Variants in XKR6 observed in about 807,000 individuals in gnomAD.
The protein encoded by XKR6 is XK related 6, also known as XK-related protein 6.
Under a neutral mutation model 56.7 loss-of-function variants are expected in XKR6, and 22 were observed. The observed-to-expected ratio is 0.39, with a 90% confidence interval of 0.28 to 0.55. The LOEUF is 0.55. Ranked by LOEUF, XKR6 falls within the 20% of genes least tolerant of loss-of-function variation. XKR6 has a pLI of 0.66. For missense variants in XKR6, 852 were observed against 889.0 expected, an observed-to-expected ratio of 0.96 and a Z score of 0.53; for synonymous variants, 524 against 387.8, an observed-to-expected ratio of 1.35 and a Z score of -4.13.
intron 1 of XKR6, among the ~76,000 whole-genome samples, chr8:11,110,359 A>G (rs1202251364): frequency 2.0e-5 from 3 of 152,196 alleles, no homozygotes; most frequent in Admixed American, 2.0e-4. Context: ...AGCAAAAAGG[A>G]GCCAGGGGTA....
chr8:10,957,890 C>T (rs183017432), intron 1 of XKR6, among the ~76,000 whole-genome samples: 2 of 151,744 alleles, frequency 1.3e-5, no homozygotes, highest in Non-Finnish European at 2.9e-5. Context: ...AAAATGATCC[C>T]CAATGTGATT....
At chr8:11,022,344 G>A (rs1408862131) in intron 1 of XKR6, among the ~76,000 whole-genome samples, 3 of 151,994 alleles carry the variant, frequency 2.0e-5, no homozygotes, top group East Asian at 1.9e-4. Flanking sequence ...CTAGGGGAGA[G>A]CAGATTTACA....
chr8:11,140,638 C>G (rs1237535182), intron 1 of XKR6, among the ~76,000 whole-genome samples: 2 of 152,106 alleles, frequency 1.3e-5, no homozygotes, highest in Non-Finnish European at 2.9e-5. Flanking sequence ...TGGCTCACAC[C>G]TGTAATCCCA....
chr8:10,993,182 C>T (rs774860733), intron 1 of XKR6, among the ~76,000 whole-genome samples: 8 of 152,238 alleles, frequency 5.3e-5, no homozygotes, highest in Non-Finnish European at 1.0e-4. Flanking sequence ...CTGAGTGACG[C>T]CACTTTTTGG....
At chr8:11,177,569 T>C (rs1314128468) in intron 1 of XKR6, among the ~76,000 whole-genome samples, 1 of 74,966 alleles carries the variant, frequency 1.3e-5, no homozygotes, top group Non-Finnish European at 3.7e-5. Flanking sequence ...GGTGAGGTCA[T>C]AATGGAATAG....
At chr8:10,976,641 C>T (rs920509515) in intron 1 of XKR6, among the ~76,000 whole-genome samples, 25 of 152,106 alleles carry the variant, frequency 1.6e-4, no homozygotes, top group Admixed American at 3.9e-4. Context: ...GTACAAAGTC[C>T]GTGATCCAGG....
chr8:11,113,235 G>A lies in XKR6; in HGVS notation c.764+87341C>T, dbSNP rs570827985. 4.9e-4 allele frequency among the ~76,000 whole-genome samples: 75 copies of A among 152,300 alleles called. 1 individual carries two copies. The highest frequency in any genetic ancestry group is 1.7e-3 in the African/African-American group (72 of 41,576). On this transcript the variant is annotated intron_variant, in intron 1 of 2. Coordinates refer to ENST00000416569, the MANE Select transcript of XKR6 (RefSeq NM_173683.4). ...CACTTATTTGAAATAATAGCTTAGT[G>A]TGAATCTGAACTCCAAGCAAAAACC...
At chr8:10,950,043 C>T (rs1801671178) in intron 1 of XKR6, among the ~76,000 whole-genome samples, 2 of 152,230 alleles carry the variant, frequency 1.3e-5, no homozygotes, top group Non-Finnish European at 2.9e-5. Flanking sequence ...CATCCTTGCC[C>T]CTCCACCCTT....
chr8:11,037,294 C>T (rs1021802386), intron 1 of XKR6, among the ~76,000 whole-genome samples: 4 of 152,178 alleles, frequency 2.6e-5, no homozygotes, highest in African/African-American at 4.8e-5. Context: ...GGTACAATCT[C>T]GGCTCACTGC....
Position 11,178,576 on chromosome 8 carries a change from A to ATATATATATG in XKR6, c.764+21990_764+21999dup, listed in dbSNP as rs1554479913. ...TATATATATATATATATATATATGT[A>ATATATATATG]TATATATATGTACTACACACACACA... is the stretch of plus-strand genomic sequence containing the variant. On this transcript the variant is annotated intron_variant, in intron 1 of 2. Coordinates refer to ENST00000416569, the MANE Select transcript of XKR6 (RefSeq NM_173683.4). Among the ~76,000 whole-genome samples the ATATATATATG allele has an allele frequency of 2.3e-3, 318 of 135,760 alleles. 3 individuals carry two copies. Among genetic ancestry groups the ATATATATATG allele is most frequent in the South Asian group, 7.7e-3 (32 of 4,132 alleles). The allele number at this position is 135,760 out of a possible 152,430, so 89.1% of individuals were successfully genotyped here.
chr8:11,029,623 G>A (rs1290683069), intron 1 of XKR6, among the ~76,000 whole-genome samples: 2 of 152,116 alleles, frequency 1.3e-5, no homozygotes, highest in Non-Finnish European at 2.9e-5. Context: ...ATCAGTGTCT[G>A]CTGTGTGAGC....
rs1368885247 is a variant in XKR6, at chr8:10,898,125, T to C, written c.1753A>G (p.Ile585Val). Reference sequence around the variant, plus strand: ...CGCTTTCTTGGCATGTCAATCTTAATGAGGGGCCCTTCTGGGAGGTAAGGA... The same window carrying C: ...CGCTTTCTTGGCATGTCAATCTTAACGAGGGGCCCTTCTGGGAGGTAAGGA... ...GRPYLPEGPL[I>V]KIDMPRKRYP... The change falls in exon 3 of 3, where the codon ATT becomes GTT. Residue 585 changes from isoleucine to valine, a missense_variant. Coordinates refer to ENST00000416569, the MANE Select transcript of XKR6 (RefSeq NM_173683.4). This position sits in a 1 kb window ranked among gnomAD's most constrained non-coding sequence, Gnocchi z 6.6. 1.9e-6 allele frequency: 3 copies of C among 1,614,034 alleles called. No individual in the cohort carries two copies. The highest frequency in any genetic ancestry group is 3.3e-5 in the Admixed American group (2 of 60,010).
At chr8:11,117,859 A>T (rs1799254819) in intron 1 of XKR6, among the ~76,000 whole-genome samples, 1 of 152,318 alleles carries the variant, frequency 6.6e-6, no homozygotes, top group East Asian at 1.9e-4. Context: ...CAGACAATTC[A>T]TCAAGGAAAA....
chr8:10,905,518 C>G (rs916718368), intron 2 of XKR6, among the ~76,000 whole-genome samples: 11 of 152,196 alleles, frequency 7.2e-5, no homozygotes, highest in African/African-American at 2.7e-4. Context: ...CATATCCTGA[C>G]ATTTGCATGC....
chr8:10,986,693 G>T (rs536708684), intron 1 of XKR6, among the ~76,000 whole-genome samples: 1 of 152,244 alleles, frequency 6.6e-6, no homozygotes, highest in South Asian at 2.1e-4. Context: ...GAATGATCTA[G>T]ACAATATTCC....
chr8:11,180,058 G>A (rs1293377066), intron 1 of XKR6, among the ~76,000 whole-genome samples: 2 of 152,090 alleles, frequency 1.3e-5, no homozygotes, highest in East Asian at 3.9e-4. Flanking sequence ...AGAACTGTTT[G>A]AGCCTGGGAG....
chr8:10,915,502 T>C (rs897294252), intron 2 of XKR6, among the ~76,000 whole-genome samples: 2 of 109,360 alleles, frequency 1.8e-5, no homozygotes, highest in Non-Finnish European at 2.0e-5. Context: ...GCCTTTCTCC[T>C]GTTTCTTTTT....
Position 10,898,801 on chromosome 8 carries a change from G to A in XKR6, c.1077C>T (p.Ile359=). Residue 359 remains isoleucine, a synonymous_variant, in exon 3 of 3, where the codon ATC becomes ATT. Transcript: ENST00000416569. The surrounding 1 kb of genome is among the most constrained non-coding windows in gnomAD (Gnocchi z 6.6). ...TGGTGAAGAGGCGCCAGAAGACCTGGATGATGGCCCCTCTGTAGCTCATGC... is the reference window on the plus strand; with the variant it reads ...TGGTGAAGAGGCGCCAGAAGACCTGAATGATGGCCCCTCTGTAGCTCATGC... ...KKSMSYRGAI[I]QVFWRLFTIS... is the part of the protein sequence containing the mutation. The A allele has an allele frequency of 6.2e-7, 1 of 1,614,166 alleles. No homozygotes were observed. Among genetic ancestry groups the A allele is most frequent in the Non-Finnish European group, 8.5e-7 (1 of 1,180,026 alleles).
chr8:11,164,419 G>A (rs550036664), intron 1 of XKR6, among the ~76,000 whole-genome samples: 1 of 152,262 alleles, frequency 6.6e-6, no homozygotes, highest in East Asian at 1.9e-4. Context: ...CATCGCCCCT[G>A]CATTTACGTT....
Sources: allele counts gnomAD v4.1 joint callset (sites outside exome capture counted in the v4.1 genomes callset), GRCh38; gene constraint gnomAD v4.1.1; non-coding constraint Gnocchi (gnomAD v3.1); transcripts MANE v1.5; gene names NCBI Gene and HGNC (gene_info 2026-07-23, HGNC 2026-07-21).